FYB1: variants seen among roughly 807,000 people sequenced by gnomAD.
FYB1 encodes the protein FYN binding protein 1.
In FYB1, 41 loss-of-function variants were observed where a neutral mutation model predicts 94.1. The observed-to-expected ratio is 0.44, with a 90% CI of 0.34 to 0.57. The LOEUF is 0.57. FYB1 is among the 20% of genes least tolerant of loss of function. The pLI, the probability that FYB1 is intolerant of heterozygous loss-of-function variation, is 0.02. For synonymous variants in FYB1, 367 were observed against 353.2 expected (o/e 1.04, Z -0.44); for missense variants, 1,050 against 976.8 (o/e 1.07, Z -1.00).
chr5:39,162,546 G>A (rs890559400), intron 2 of FYB1, among the ~76,000 whole-genome samples: 10 of 152,064 alleles, frequency 6.6e-5, no homozygotes, highest in Admixed American at 5.9e-4. Flanking sequence ...TTAGCCAGGC[G>A]TGGTGGCGCT....
At chr5:39,172,457 A>T (rs907482277) in intron 2 of FYB1, among the ~76,000 whole-genome samples, 1 of 148,202 alleles carries the variant, frequency 6.7e-6, no homozygotes, top group African/African-American at 2.4e-5. Flanking sequence ...AAAAAAAAAA[A>T]TAGTAATTTC....
chr5:39,273,846 A>T (rs1245237129), intron 1 of FYB1, among the ~76,000 whole-genome samples: 2 of 152,194 alleles, frequency 1.3e-5, no homozygotes, highest in African/African-American at 4.8e-5. Flanking sequence ...GCAAGTAGAT[A>T]AAGGAAAGAA....
chr5:39,162,994 G>T (rs993086357), intron 2 of FYB1, among the ~76,000 whole-genome samples: 9 of 151,888 alleles, frequency 5.9e-5, no homozygotes, highest in African/African-American at 2.2e-4. Context: ...TTTTATGATT[G>T]GTATTTGATA....
chr5:39,149,746 C>T (rs1743082098), intron 3 of FYB1, among the ~76,000 whole-genome samples: 1 of 152,120 alleles, frequency 6.6e-6, no homozygotes, highest in Non-Finnish European at 1.5e-5. Flanking sequence ...ACTGACTCCT[C>T]CTTGGATGCT....
intron 1 of FYB1, among the ~76,000 whole-genome samples, chr5:39,225,517 C>G (rs980499616): frequency 6.6e-6 from 1 of 152,158 alleles, no homozygotes; most frequent in African/African-American, 2.4e-5. Context: ...ACTGCCCATG[C>G]TGCTGGGGTG....
At chr5:39,172,825 A>G (rs897608393) in intron 2 of FYB1, among the ~76,000 whole-genome samples, 3 of 152,302 alleles carry the variant, frequency 2.0e-5, no homozygotes, top group Non-Finnish European at 2.9e-5. Flanking sequence ...TATATATACC[A>G]TATTTTCTTT....
At chr5:39,176,204 G>T (rs1215364882) in intron 2 of FYB1, among the ~76,000 whole-genome samples, 2 of 124,894 alleles carry the variant, frequency 1.6e-5, no homozygotes, top group African/African-American at 6.0e-5. Flanking sequence ...AGACTGGAGT[G>T]CAATGGCGCG....
chr5:39,239,195 A>T (rs1489649874), intron 1 of FYB1, among the ~76,000 whole-genome samples: 2 of 152,288 alleles, frequency 1.3e-5, no homozygotes, highest in East Asian at 3.9e-4. Flanking sequence ...GCCAGCCCAC[A>T]GCCAACATCA....
intron 14 of FYB1, 93 bp from the exon 15 acceptor site, chr5:39,119,727 A>T: frequency 7.8e-7 from 1 of 1,283,710 alleles, no homozygotes; most frequent in Non-Finnish European, 1.0e-6. Context: ...TTATATTTTT[A>T]ACTTTTTGTT....
intron 7 of FYB1, among the ~76,000 whole-genome samples, chr5:39,135,986 C>A (rs981276055): frequency 6.6e-6 from 1 of 152,070 alleles, no homozygotes; most frequent in African/African-American, 2.4e-5. Flanking sequence ...TAATGTAAAG[C>A]TGAATTCTCC....
chr5:39,226,201 C>T (rs181110546), intron 1 of FYB1, among the ~76,000 whole-genome samples: 102 of 152,308 alleles, frequency 6.7e-4, no homozygotes, highest in African/African-American at 2.4e-3. Flanking sequence ...GCTCCTGTCT[C>T]CCAAGTGTTG....
intron 1 of FYB1, among the ~76,000 whole-genome samples, chr5:39,232,477 C>T (rs1332668119): frequency 6.6e-6 from 1 of 151,876 alleles, no homozygotes; most frequent in African/African-American, 2.4e-5. Context: ...AAATTAAATC[C>T]TCATGTAAAG....
chr5:39,137,767 TGC>T, intron 6 of FYB1, 47 bp from the exon 7 acceptor site: 1 of 1,548,376 alleles, frequency 6.5e-7, no homozygotes, highest in Non-Finnish European at 8.7e-7. Context: ...CAGGTGTTGA[TGC>T]GTCGGAACTC....
In FYB1 at chr5:39,268,232, CT is replaced by C. The variant is rs555670652; in HGVS notation, c.-28+6170del. On this transcript the variant is annotated intron_variant, in intron 1 of 1. Transcript: ENST00000510188. Reference sequence around the variant, plus strand: ...GTTTCATTTCTGTATATTTATATTTCTTTTTTTCTTTTTTTTTTTTTTGAAT... The same window carrying C: ...GTTTCATTTCTGTATATTTATATTTCTTTTTTCTTTTTTTTTTTTTTGAAT... 7.3e-4 allele frequency among the ~76,000 whole-genome samples: 110 copies of C among 149,728 alleles called. No homozygotes were observed. The South Asian group carries it at 7.6e-3, about 10-fold the overall frequency.
At chr5:39,183,235 C>T (rs1292429300) in intron 2 of FYB1, among the ~76,000 whole-genome samples, 2 of 152,156 alleles carry the variant, frequency 1.3e-5, no homozygotes, top group Non-Finnish European at 2.9e-5. Context: ...ATCCACCTGT[C>T]TCGGCCTCCC....
chr5:39,211,390 GGC>G (rs1447456754), intron 1 of FYB1, among the ~76,000 whole-genome samples: 1 of 149,562 alleles, frequency 6.7e-6, no homozygotes, highest in Non-Finnish European at 1.5e-5. Context: ...GCGCGATCTC[GGC>G]CCACTGCAAG....
intron 7 of FYB1, among the ~76,000 whole-genome samples, chr5:39,137,118 T>TAAA: frequency 6.6e-6 from 1 of 151,502 alleles, no homozygotes; most frequent in East Asian, 2.0e-4. Context: ...GTACACAGAC[T>TAAA]TAAAGGCAAC....
intron 16 of FYB1, among the ~76,000 whole-genome samples, chr5:39,112,794 C>T (rs1357136548): frequency 6.6e-6 from 1 of 152,074 alleles, no homozygotes; most frequent in African/African-American, 2.4e-5. Context: ...TCCATTCCCT[C>T]CTATATCTGT....
At chr5:39,140,530 C>T (rs988417030) in intron 4 of FYB1, among the ~76,000 whole-genome samples, 3 of 152,146 alleles carry the variant, frequency 2.0e-5, no homozygotes, top group Non-Finnish European at 4.4e-5. Context: ...CTGTCATACT[C>T]GGTCAACCTA....
Sources: allele counts gnomAD v4.1 joint callset (sites outside exome capture counted in the v4.1 genomes callset), GRCh38; gene constraint gnomAD v4.1.1; transcripts MANE v1.5; gene names NCBI Gene and HGNC (gene_info 2026-07-23, HGNC 2026-07-21).